The following XCR1 variants were observed in gnomAD, a reference collection of about 807,000 sequenced individuals.
XCR1 encodes the protein X-C motif chemokine receptor 1, also known as chemokine XC receptor 1.
For synonymous variants in XCR1, 187 were observed against 188.5 expected (o/e 0.99, Z 0.06); for missense variants, 356 against 424.2 (o/e 0.84, Z 1.41).
intron 5 of XCR1, among the ~76,000 whole-genome samples, chr3:46,038,456 C>T: frequency 6.6e-6 from 1 of 152,058 alleles, no homozygotes; most frequent in East Asian, 1.9e-4. Context: ...TTGGGTTTTA[C>T]TTATGTATAC....
chr3:46,083,492 A>G (rs1698414395), intron 1 of XCR1, among the ~76,000 whole-genome samples: 2 of 152,196 alleles, frequency 1.3e-5, no homozygotes, highest in South Asian at 2.1e-4. Context: ...TGGAGATTCT[A>G]TTTAGAGAAA....
At chr3:46,050,945 G>A (rs191912524) in intron 5 of XCR1, among the ~76,000 whole-genome samples, 1 of 152,306 alleles carries the variant, frequency 6.6e-6, no homozygotes, top group East Asian at 1.9e-4. Context: ...AAATACCGGT[G>A]AATTCCAGGG....
intron 5 of XCR1, among the ~76,000 whole-genome samples, chr3:46,039,474 A>G (rs889767828): frequency 6.6e-6 from 1 of 152,206 alleles, no homozygotes; most frequent in Non-Finnish European, 1.5e-5. Context: ...AGTCACTCCT[A>G]GACACCAAAT....
intron 5 of XCR1, among the ~76,000 whole-genome samples, chr3:46,045,230 C>T (rs545308343): frequency 6.6e-6 from 1 of 152,034 alleles, no homozygotes; most frequent in East Asian, 1.9e-4. Context: ...ACCAGCCTGG[C>T]CCAGATGGTG....
At chr3:46,049,918 C>T (rs1226812226) in intron 5 of XCR1, among the ~76,000 whole-genome samples, 3 of 152,228 alleles carry the variant, frequency 2.0e-5, no homozygotes, top group Non-Finnish European at 4.4e-5. Flanking sequence ...TGGCTTGTTG[C>T]TGGGAGTCTA....
At position 46,021,806 on chromosome 3, in the gene XCR1, C is replaced by T; in HGVS notation, c.142G>A (p.Gly48Ser). 1 of 1,614,032 alleles carries T rather than the reference C, an allele frequency of 6.2e-7. No individual in the cohort carries two copies. Among genetic ancestry groups the T allele is most frequent in the Non-Finnish European group, 8.5e-7 (1 of 1,180,002 alleles). The change falls in exon 2 of 2, where the codon GGC (glycine) becomes AGC (serine). Residue 48 changes from glycine (G) to serine (S), a missense_variant. Gly to Ser is a moderately conservative substitution (Grantham distance 56). Coordinates refer to ENST00000309285, the MANE Select transcript of XCR1 (RefSeq NM_001024644.2). The surrounding 1 kb of genome is among the most constrained non-coding windows in gnomAD (Gnocchi z 4.7). ...YCLVFLLSLV[G>S]NSLVLWVLVK... ...AGGACCCACAGGACCAGGCTGTTGC[C>T]CACTAGGCTGAGGAGAAACACCAGG...
chr3:46,044,284 G>A (rs1373099662), intron 5 of XCR1, among the ~76,000 whole-genome samples: 1 of 152,060 alleles, frequency 6.6e-6, no homozygotes, highest in East Asian at 1.9e-4. Context: ...ACCATGCCTG[G>A]CCCTCATTGT....
At chr3:46,057,114 G>A (rs537751665) in intron 4 of XCR1, among the ~76,000 whole-genome samples, 1 of 152,272 alleles carries the variant, frequency 6.6e-6, no homozygotes, top group Non-Finnish European at 1.5e-5. Context: ...AGTACATAAT[G>A]TATGATTCCA....
chr3:46,072,704 A>G (rs1016464737), intron 3 of XCR1, among the ~76,000 whole-genome samples: 1 of 152,236 alleles, frequency 6.6e-6, no homozygotes, highest in Non-Finnish European at 1.5e-5. Flanking sequence ...ACAGAAATCT[A>G]CAGATTCAAT....
At chr3:46,058,359 G>A (rs564876574) in intron 4 of XCR1, among the ~76,000 whole-genome samples, 1 of 152,256 alleles carries the variant, frequency 6.6e-6, no homozygotes, top group South Asian at 2.1e-4. Flanking sequence ...GAAGGAAAAG[G>A]ATGAACTCAG....
intron 1 of XCR1, chr3:46,023,388 T>C: frequency 6.8e-7 from 1 of 1,463,902 alleles, no homozygotes; most frequent in South Asian, 1.1e-5. Context: ...AAGAGGCGAT[T>C]TCTTGTCACA....
intron 5 of XCR1, among the ~76,000 whole-genome samples, chr3:46,036,158 G>A (rs1024987889): frequency 2.0e-5 from 3 of 152,234 alleles, no homozygotes; most frequent in Middle Eastern, 3.2e-3. Flanking sequence ...ATGAGAAAGT[G>A]GGATGGAGTT....
chr3:46,065,280 T>C (rs1414326040), intron 4 of XCR1, among the ~76,000 whole-genome samples: 2 of 152,204 alleles, frequency 1.3e-5, no homozygotes, highest in East Asian at 1.9e-4. Context: ...ATCCCCAACC[T>C]GCTTTTCCTT....
At chr3:46,049,839 A>G (rs1171381770) in intron 5 of XCR1, among the ~76,000 whole-genome samples, 1 of 152,242 alleles carries the variant, frequency 6.6e-6, no homozygotes, top group Non-Finnish European at 1.5e-5. Flanking sequence ...TCTGAAGGGT[A>G]GTGGTTATCT....
At chr3:46,023,622 G>A (rs1708216466) in intron 1 of XCR1, 12 of 1,350,246 alleles carry the variant, frequency 8.9e-6, no homozygotes, top group Admixed American at 7.0e-5. Flanking sequence ...CCGAGGATGC[G>A]GAGGGCCAGA....
chr3:46,037,433 GA>G (rs1433266995), intron 5 of XCR1, among the ~76,000 whole-genome samples: 9 of 152,020 alleles, frequency 5.9e-5, no homozygotes, highest in Non-Finnish European at 1.2e-4. Context: ...ATAAAGAAAA[GA>G]GAAAAATATT....
Position 46,065,526 on chromosome 3 carries a change from G to A in XCR1, c.-183+1373C>T, listed in dbSNP as rs145931619. 2.8e-4 allele frequency among the ~76,000 whole-genome samples: 43 copies of A among 152,262 alleles called. No individual in the cohort carries two copies. In the South Asian group the frequency reaches 4.6e-3, roughly 16 times the overall value. On this transcript the variant is annotated intron_variant, in intron 4 of 5. Coordinates refer to the XCR1 transcript ENST00000683768. ...TATCATATGATACTCCCTTGATGTC[G>A]GGTGACAGTAAAATTCACCGACTCC...
intron 4 of XCR1, among the ~76,000 whole-genome samples, chr3:46,064,659 A>G (rs1698027841): frequency 6.6e-6 from 1 of 152,210 alleles, no homozygotes; most frequent in Non-Finnish European, 1.5e-5. Context: ...AGTGCGACAC[A>G]TGAAGCCACC....
intron 4 of XCR1, among the ~76,000 whole-genome samples, chr3:46,060,377 G>T (rs1284497233): frequency 1.3e-5 from 2 of 152,130 alleles, no homozygotes; most frequent in Admixed American, 1.3e-4. Context: ...ACTAATAGGT[G>T]CCCTAAGGAA....
Sources: allele counts gnomAD v4.1 joint callset (sites outside exome capture counted in the v4.1 genomes callset), GRCh38; gene constraint gnomAD v4.1.1; non-coding constraint Gnocchi (gnomAD v3.1); transcripts MANE v1.5; gene names NCBI Gene and HGNC (gene_info 2026-07-23, HGNC 2026-07-21).